The following ADCY2 variants were observed in gnomAD, a reference collection of about 807,000 sequenced individuals.
ADCY2 encodes the protein adenylate cyclase 2.
In ADCY2, 31 loss-of-function variants were observed where a neutral mutation model predicts 125.2. The ratio of observed to expected loss-of-function variants is 0.25; its 90% CI spans 0.19 to 0.33. The LOEUF (loss-of-function observed/expected upper bound fraction) is 0.33. ADCY2 is among the 10% of genes least tolerant of loss of function. The pLI is 1.00. For missense variants in ADCY2, 904 were observed against 1,418.2 expected (o/e 0.64, Z 5.82); for synonymous variants, 512 against 548.4 (o/e 0.93, Z 0.93).
At chr5:7,718,098 A>C (rs1409265808) in intron 12 of ADCY2, among the ~76,000 whole-genome samples, 1 of 151,506 alleles carries the variant, frequency 6.6e-6, no homozygotes, top group Non-Finnish European at 1.5e-5. Flanking sequence ...ATTAAGTTAC[A>C]GGGCCTCAAA....
chr5:7,610,333 T>C (rs1167478395), intron 3 of ADCY2, among the ~76,000 whole-genome samples: 4 of 152,114 alleles, frequency 2.6e-5, no homozygotes, highest in Non-Finnish European at 4.4e-5. Flanking sequence ...GGGTGCATGA[T>C]GCCAGGGCAG....
chr5:7,486,952 A>G (rs1181826927), intron 2 of ADCY2, among the ~76,000 whole-genome samples: 1 of 152,190 alleles, frequency 6.6e-6, no homozygotes, highest in Non-Finnish European at 1.5e-5. Flanking sequence ...TCAGTCTCCC[A>G]TGCGGTGGAA....
chr5:7,446,566 A>C (rs1387206221), intron 2 of ADCY2, among the ~76,000 whole-genome samples: 1 of 152,182 alleles, frequency 6.6e-6, no homozygotes, highest in Non-Finnish European at 1.5e-5. Flanking sequence ...ACATACATAC[A>C]TACATACATA....
At chr5:7,811,705 C>T (rs1005876094) in intron 22 of ADCY2, among the ~76,000 whole-genome samples, 16 of 152,212 alleles carry the variant, frequency 1.1e-4, no homozygotes, top group African/African-American at 3.1e-4. Flanking sequence ...TCCACTGGCT[C>T]TTGCTGAATT....
chr5:7,660,299 G>A (rs1040880268), intron 4 of ADCY2, among the ~76,000 whole-genome samples: 3 of 142,342 alleles, frequency 2.1e-5, no homozygotes, highest in Non-Finnish European at 4.7e-5. Context: ...AAGGAAGGAA[G>A]GACTGTGAGA....
At chr5:7,542,676 A>G (rs912966246) in intron 3 of ADCY2, among the ~76,000 whole-genome samples, 1 of 152,234 alleles carries the variant, frequency 6.6e-6, no homozygotes, top group Non-Finnish European at 1.5e-5. Context: ...GAGAAACTGC[A>G]ATGTTGCCCT....
At chr5:7,753,536 T>G (rs1194919970) in intron 15 of ADCY2, among the ~76,000 whole-genome samples, 1 of 152,248 alleles carries the variant, frequency 6.6e-6, no homozygotes, top group Non-Finnish European at 1.5e-5. Context: ...TTATAACATT[T>G]AATTAGGATG....
At chr5:7,633,898 G>A (rs1340192161) in intron 4 of ADCY2, among the ~76,000 whole-genome samples, 4 of 152,208 alleles carry the variant, frequency 2.6e-5, no homozygotes, top group South Asian at 2.1e-4. Flanking sequence ...ATGTTTAATA[G>A]GCAAAGAATA....
chr5:7,511,230 A>G (rs767144514), intron 2 of ADCY2, among the ~76,000 whole-genome samples: 2 of 152,212 alleles, frequency 1.3e-5, no homozygotes, highest in Non-Finnish European at 2.9e-5. Flanking sequence ...TTTCAAAAAT[A>G]TAAAAAAAAT....
At chr5:7,699,262 T>C (rs1195233621) in intron 7 of ADCY2, among the ~76,000 whole-genome samples, 4 of 149,788 alleles carry the variant, frequency 2.7e-5, no homozygotes, top group Non-Finnish European at 4.4e-5. Context: ...TACGCCCGGC[T>C]AATTTTTTGT....
chr5:7,674,586 CA>C (rs1178069467), intron 4 of ADCY2, among the ~76,000 whole-genome samples: 6 of 152,190 alleles, frequency 3.9e-5, no homozygotes, highest in Non-Finnish European at 8.8e-5. Flanking sequence ...TGTTTCCAAC[CA>C]AGCAATGATT....
intron 22 of ADCY2, among the ~76,000 whole-genome samples, chr5:7,812,723 C>G (rs1261843850): frequency 6.6e-6 from 1 of 152,138 alleles, no homozygotes; most frequent in Non-Finnish European, 1.5e-5. Flanking sequence ...ACCTGGCCAA[C>G]ACGGTGAAAC....
chr5:7,702,937 G>A (rs1741138043), intron 7 of ADCY2, among the ~76,000 whole-genome samples: 1 of 152,204 alleles, frequency 6.6e-6, no homozygotes, highest in Non-Finnish European at 1.5e-5. Flanking sequence ...GTGTGAGTTG[G>A]TATCTCATTG....
chr5:7,645,484 GA>G lies in ADCY2; in HGVS notation c.720+19169del, dbSNP rs1402132184. 3.3e-5 allele frequency among the ~76,000 whole-genome samples: 5 copies of G among 152,268 alleles called. No individual in the cohort carries two copies. The East Asian group carries it at 9.6e-4, about 29-fold the overall frequency. Reference sequence around the variant, plus strand: ...ACACTGAAGAGCAGTAAGATTAAAGGACATTCAACCTTCATTACCAATGAGA... The same window carrying G: ...ACACTGAAGAGCAGTAAGATTAAAGGCATTCAACCTTCATTACCAATGAGA... On this transcript the variant is annotated intron_variant, in intron 4 of 24. Coordinates refer to ENST00000338316, the MANE Select transcript of ADCY2 (RefSeq NM_020546.3).
At chr5:7,778,471 C>T (rs1262353494) in intron 18 of ADCY2, among the ~76,000 whole-genome samples, 2 of 152,222 alleles carry the variant, frequency 1.3e-5, no homozygotes, top group Non-Finnish European at 2.9e-5. Flanking sequence ...TAAGTACTTT[C>T]TGGAAAGCAC....
At chr5:7,750,551 C>T (rs991246899) in intron 15 of ADCY2, among the ~76,000 whole-genome samples, 7 of 152,208 alleles carry the variant, frequency 4.6e-5, no homozygotes, top group Non-Finnish European at 8.8e-5. Context: ...TAAAATGCTT[C>T]CTTTTATAAT....
chr5:7,820,018 CT>C (rs1311043007), intron 23 of ADCY2, among the ~76,000 whole-genome samples: 1 of 152,202 alleles, frequency 6.6e-6, no homozygotes, highest in Non-Finnish European at 1.5e-5. Flanking sequence ...CGGCTGACCC[CT>C]GGGTGCTCTG....
chr5:7,741,156 A>G (rs1430900691), intron 14 of ADCY2, among the ~76,000 whole-genome samples: 5 of 152,078 alleles, frequency 3.3e-5, no homozygotes, highest in Non-Finnish European at 7.4e-5. Context: ...GAAATAGATA[A>G]TTTTCTAGGA....
intron 4 of ADCY2, among the ~76,000 whole-genome samples, chr5:7,633,257 C>G (rs1158917625): frequency 6.6e-6 from 1 of 150,670 alleles, no homozygotes. Context: ...ATGGTAAAAC[C>G]CTGTCTCTAC....
Sources: allele counts gnomAD v4.1 joint callset (sites outside exome capture counted in the v4.1 genomes callset), GRCh38; gene constraint gnomAD v4.1.1; transcripts MANE v1.5; gene names NCBI Gene and HGNC (gene_info 2026-07-23, HGNC 2026-07-21).